The following HMCN1 variants were observed in gnomAD, a reference collection of about 807,000 sequenced individuals.
HMCN1 encodes hemicentin-1.
HMCN1 carries 321 observed loss-of-function variants against 625.9 expected under a neutral mutation model. The ratio of observed to expected loss-of-function variants is 0.51; its 90% CI spans 0.47 to 0.56. HMCN1 has a LOEUF of 0.56. Ranked by LOEUF, HMCN1 falls within the 20% of genes least tolerant of loss-of-function variation. The pLI, the probability that HMCN1 is intolerant of heterozygous loss-of-function variation, is 0.00. For synonymous variants in HMCN1, 2,425 were observed against 2,417.6 expected, an observed-to-expected ratio of 1.00 and a Z score of -0.09; for missense variants, 6,588 against 6,887.3, an observed-to-expected ratio of 0.96 and a Z score of 1.54.
intron 7 of HMCN1, among the ~76,000 whole-genome samples, chr1:185,923,138 A>G (rs1043586587): frequency 5.9e-5 from 9 of 152,190 alleles, no homozygotes; most frequent in Non-Finnish European, 8.8e-5. Flanking sequence ...TCAAACATAT[A>G]ACAATTTTCA....
intron 1 of HMCN1, among the ~76,000 whole-genome samples, chr1:185,785,388 G>A (rs1657491655): frequency 6.6e-6 from 1 of 152,116 alleles, no homozygotes; most frequent in Non-Finnish European, 1.5e-5. Flanking sequence ...TTCTTAAAAA[G>A]AAAGTGACAT....
chr1:186,060,430 C>G (rs1657610505), intron 46 of HMCN1, among the ~76,000 whole-genome samples: 1 of 152,068 alleles, frequency 6.6e-6, no homozygotes, highest in South Asian at 2.1e-4. Flanking sequence ...ACTTTGTTCT[C>G]TCAGTGTCTC....
intron 6 of HMCN1, among the ~76,000 whole-genome samples, chr1:185,916,737 C>T (rs948372324): frequency 6.6e-6 from 1 of 152,096 alleles, no homozygotes; most frequent in African/African-American, 2.4e-5. Context: ...ATATTTAGTG[C>T]TAGGAGGAAT....
intron 6 of HMCN1, among the ~76,000 whole-genome samples, chr1:185,915,046 T>C (rs1251324975): frequency 6.6e-6 from 1 of 152,064 alleles, no homozygotes; most frequent in African/African-American, 2.4e-5. Context: ...GAGTGGCAGT[T>C]TCTTTTCTTC....
rs760165070 is a variant in HMCN1, at chr1:186,123,166, A to G, written c.12445A>G (p.Met4149Val). Residue 4149 changes from methionine (M) to valine (V), a missense_variant, in exon 81 of 107, where the codon ATG becomes GTG. Met to Val is a conservative substitution (Grantham distance 21). Around this residue, in one of 3 missense-constraint regions of HMCN1, gnomAD observed 1,954 missense variants for 2,013.1 expected, o/e 0.97. Transcript: ENST00000271588. ...QPGDAGHYTC[M>V]AANVAGSSST... ...TGGTGATGCTGGCCATTACACGTGC[A>G]TGGCAGCCAATGTAGCAGGATCAAG... 1.9e-6 allele frequency: 3 copies of G among 1,613,830 alleles called. No individual in the cohort carries two copies. The highest frequency in any genetic ancestry group is 1.7e-5 in the Admixed American group (1 of 59,968).
chr1:185,823,352 T>C (rs1173600314), intron 1 of HMCN1, among the ~76,000 whole-genome samples: 2 of 152,204 alleles, frequency 1.3e-5, no homozygotes, highest in Non-Finnish European at 2.9e-5. Flanking sequence ...CTTTCTGTAA[T>C]ATACAAGGCA....
intron 19 of HMCN1, among the ~76,000 whole-genome samples, chr1:185,986,307 G>A (rs1651996659): frequency 6.6e-6 from 1 of 152,106 alleles, no homozygotes; most frequent in Admixed American, 6.5e-5. Context: ...CTTCTCCAGA[G>A]TAGTTATGAT....
rs1464466437 is a variant in HMCN1, at chr1:186,007,235, C to T, written c.4583C>T (p.Ser1528Phe). Residue 1528 changes from serine to phenylalanine, a missense_variant, in exon 30 of 107, where the codon TCT (serine) becomes TTT (phenylalanine). Ser to Phe is a radical substitution (Grantham distance 155). Around this residue, in one of 3 missense-constraint regions of HMCN1, gnomAD observed 4,628 missense variants for 4,853.1 expected, o/e 0.95. Transcript: ENST00000271588. ...NDKGRYQCTV[S>F]NAAGKQAKDI... Reference sequence around the variant, plus strand: ...AAGGGGCGCTACCAATGTACTGTGTCTAATGCAGCTGGCAAACAAGCCAAG... The same window carrying T: ...AAGGGGCGCTACCAATGTACTGTGTTTAATGCAGCTGGCAAACAAGCCAAG... 4 of 1,613,564 alleles carry T rather than the reference C, an allele frequency of 2.5e-6. No individual in the cohort carries two copies. In the African/African-American group the frequency reaches 5.3e-5, roughly 22 times the overall value.
At chr1:186,052,429 G>A (rs1299285645) in intron 42 of HMCN1, among the ~76,000 whole-genome samples, 7 of 152,056 alleles carry the variant, frequency 4.6e-5, no homozygotes, top group African/African-American at 4.8e-5. Flanking sequence ...GAGAGAAGCT[G>A]TAGGCCAGTA....
Position 185,734,535 on chromosome 1 carries a change from G to C in HMCN1, c.-245G>C, listed in dbSNP as rs1189768177. 3 of 514,886 alleles carry C rather than the reference G, an allele frequency of 5.8e-6. No homozygotes were observed. The highest frequency in any genetic ancestry group is 1.0e-5 in the Non-Finnish European group (3 of 286,842). The allele number at this position is 514,886 out of a possible 1,614,324, so 31.9% of individuals were successfully genotyped here. On this transcript the variant is annotated 5_prime_UTR_variant, in exon 1 of 107. Transcript: ENST00000271588. ...ACAGGCTGTCCAGGGCCCGCGGGCA[G>C]ATAGCAGTCCAGGAGGAAGCCGCAT...
At chr1:186,133,296 T>C (rs533082443) in intron 86 of HMCN1, among the ~76,000 whole-genome samples, 4 of 152,352 alleles carry the variant, frequency 2.6e-5, no homozygotes, top group Non-Finnish European at 5.9e-5. Context: ...GATTGCCATT[T>C]ATGGCACTTT....
chr1:185,874,883 G>A (rs918412506), intron 4 of HMCN1, among the ~76,000 whole-genome samples: 1 of 151,750 alleles, frequency 6.6e-6, no homozygotes, highest in African/African-American at 2.4e-5. Context: ...AATATCATCT[G>A]TAAAAAAGGA....
At chr1:185,848,380 C>G (rs549716430) in intron 2 of HMCN1, among the ~76,000 whole-genome samples, 1 of 152,078 alleles carries the variant, frequency 6.6e-6, no homozygotes, top group South Asian at 2.1e-4. Flanking sequence ...ACTTTGTTCC[C>G]TCATCCATGT....
At chr1:185,915,335 C>A (rs956530393) in intron 6 of HMCN1, among the ~76,000 whole-genome samples, 1 of 151,984 alleles carries the variant, frequency 6.6e-6, no homozygotes, top group Non-Finnish European at 1.5e-5. Flanking sequence ...TTCCATTCAG[C>A]AACTAATATA....
chr1:185,772,617 G>T (rs1656322586), intron 1 of HMCN1, among the ~76,000 whole-genome samples: 1 of 152,036 alleles, frequency 6.6e-6, no homozygotes, highest in Non-Finnish European at 1.5e-5. Flanking sequence ...AAAGAATTTT[G>T]GTTTTGGACA....
intron 73 of HMCN1, among the ~76,000 whole-genome samples, chr1:186,114,423 A>G (rs780696835): frequency 2.0e-5 from 3 of 151,882 alleles, no homozygotes; most frequent in African/African-American, 4.8e-5. Flanking sequence ...ACGCCCAGCT[A>G]ATTTTTTGTA....
chr1:186,067,908 T>C lies in HMCN1; in HGVS notation c.7780T>C (p.Ser2594Pro). The C allele has an allele frequency of 1.9e-6, 3 of 1,612,286 alleles. No homozygotes were observed. Among genetic ancestry groups the C allele is most frequent in the Non-Finnish European group, 2.5e-6 (3 of 1,178,392 alleles). The change falls in exon 50 of 107, where the codon TCT (serine) becomes CCT (proline). Residue 2594 changes from serine (S) to proline (P), a missense_variant. Transcript: ENST00000271588. Reference protein sequence around the residue: ...DVTVILNSPTSLVCEAYSYPP... With the variant: ...DVTVILNSPTPLVCEAYSYPP... ...CACTGTCATCCTTAACAGCCCTACATCTTTGGTCTGTGAAGCTTATTCATA... is the reference window on the plus strand; with the variant it reads ...CACTGTCATCCTTAACAGCCCTACACCTTTGGTCTGTGAAGCTTATTCATA...
chr1:186,163,280 G>A (rs1383042048), intron 97 of HMCN1, among the ~76,000 whole-genome samples: 2 of 152,180 alleles, frequency 1.3e-5, no homozygotes, highest in Non-Finnish European at 2.9e-5. Context: ...ATTCGGGTGG[G>A]AGTGACCCGA....
chr1:186,047,255 A>G (rs1656637302), intron 41 of HMCN1, among the ~76,000 whole-genome samples: 1 of 152,136 alleles, frequency 6.6e-6, no homozygotes, highest in Non-Finnish European at 1.5e-5. Flanking sequence ...TAATTGAACT[A>G]CACATGAAAA....
Sources: gnomAD v4.1 joint callset for allele counts (sites outside exome capture counted in the v4.1 genomes callset) on GRCh38, gnomAD v4.1.1 for gene constraint, gnomAD v4.1.1 regional missense constraint, MANE v1.5 for transcripts, NCBI Gene and HGNC (gene_info 2026-07-23, HGNC 2026-07-21) for gene names.